The following SPHKAP variants were observed in gnomAD, a reference collection of about 807,000 sequenced individuals.
SPHKAP encodes the protein A-kinase anchor protein SPHKAP.
Under a neutral mutation model 137.5 loss-of-function variants are expected in SPHKAP, and 67 were observed. That is an observed-to-expected ratio of 0.49 (90% confidence interval 0.40 to 0.60). The LOEUF (loss-of-function observed/expected upper bound fraction) is 0.60, where lower values mean the gene tolerates loss of function less well. Among genes scored for constraint, SPHKAP ranks in the 20% least tolerant of loss-of-function variants. The pLI is 0.00. For synonymous variants in SPHKAP, 813 were observed against 785.3 expected (o/e 1.04, Z -0.59); for missense variants, 2,097 against 2,069.3 (o/e 1.01, Z -0.26).
chr2:228,121,308 A>G (rs965820935), intron 2 of SPHKAP, among the ~76,000 whole-genome samples: 1 of 152,072 alleles, frequency 6.6e-6, no homozygotes, highest in Admixed American at 6.6e-5. Context: ...CCAGGAGTTC[A>G]AGAACAATCT....
chr2:228,116,257 A>C (rs1048209340), intron 2 of SPHKAP, among the ~76,000 whole-genome samples: 1 of 152,292 alleles, frequency 6.6e-6, no homozygotes, highest in Non-Finnish European at 1.5e-5. Context: ...TGTCTTCCTT[A>C]TCTCTGAAAT....
chr2:228,107,689 T>C (rs1342342989), intron 3 of SPHKAP, among the ~76,000 whole-genome samples: 1 of 152,198 alleles, frequency 6.6e-6, no homozygotes, highest in Non-Finnish European at 1.5e-5. Flanking sequence ...TTACAATTTA[T>C]GGCTGTGTAA....
chr2:228,035,240 GACAA>G (rs1240683775), intron 3 of SPHKAP, among the ~76,000 whole-genome samples: 2 of 118,470 alleles, frequency 1.7e-5, no homozygotes, highest in Non-Finnish European at 3.5e-5. Flanking sequence ...ACCAATAACA[GACAA>G]ACAGAGAGCC....
At chr2:228,035,776 T>A (rs571267038) in intron 3 of SPHKAP, among the ~76,000 whole-genome samples, 2,422 of 152,234 alleles carry the variant, frequency 0.016, 71 homozygotes, top group African/African-American at 0.056. Flanking sequence ...AAACAAGCAA[T>A]GGGGAAAGGA....
rs752296659 is a variant in SPHKAP, at chr2:227,991,127, A to G, written c.4832T>C (p.Ile1611Thr). The stretch of plus-strand genomic sequence containing the variant: ...ACACTCTGGCTCCAGGTCAAAGTTG[A>G]TCACCAGCAGGCTCCTCTGGGGGCT... The part of the protein sequence containing the change: ...TASPQRSLLV[I>T]NFDLEPECPD... Residue 1611 changes from isoleucine to threonine, a missense_variant, in exon 11 of 12, where the codon ATC becomes ACC. Transcript: ENST00000392056. The G allele has an allele frequency of 6.2e-7, 1 of 1,613,942 alleles. No individual in the cohort carries two copies. The highest frequency in any genetic ancestry group is 1.3e-5 in the African/African-American group (1 of 74,890).
chr2:228,016,502 C>T lies in SPHKAP; in HGVS notation c.4352G>A (p.Ser1451Asn). The change falls in exon 7 of 12, where the codon AGC becomes AAC. Residue 1451 changes from serine (S) to asparagine (N), a missense_variant. By Grantham distance (46) the Ser-to-Asn change is conservative. Coordinates refer to ENST00000392056, the MANE Select transcript of SPHKAP (RefSeq NM_001142644.2). ...GEPEPFLSKS[S>N]LLEEAEGHSN... ...ATGCCCTTCTGCTTCCTCTAGGAGG[C>T]TGCTTTTGGAAAGGAAGGGTTCAGG... 1 of 1,614,068 alleles carries T rather than the reference C, an allele frequency of 6.2e-7. No individual in the cohort carries two copies.
intron 3 of SPHKAP, among the ~76,000 whole-genome samples, chr2:228,094,404 T>C (rs1282925648): frequency 1.3e-5 from 2 of 152,202 alleles, no homozygotes; most frequent in East Asian, 3.8e-4. Context: ...AGCTCTTGGG[T>C]TCTGCGATTT....
chr2:228,121,010 G>T (rs895839219), intron 2 of SPHKAP, among the ~76,000 whole-genome samples: 21 of 152,142 alleles, frequency 1.4e-4, no homozygotes, highest in Non-Finnish European at 2.2e-4. Context: ...TGATTTTAAC[G>T]CTAAGTGAAG....
Position 228,131,635 on chromosome 2 carries a change from CTT to C in SPHKAP, c.138+343_138+344del, listed in dbSNP as rs1266782454. The C allele has an allele frequency of 4.0e-5, 13 of 321,956 alleles. No individual in the cohort carries two copies. In the Admixed American group the frequency reaches 7.8e-4, roughly 19 times the overall value. 19.9% of individuals were successfully genotyped at this position (321,956 alleles called of 1,614,324 possible). ...GTTTTCTTAGATACAGATTTAGTAA[CTT>C]AATATAATATGTTGAGTCATTCAAA... is the stretch of plus-strand genomic sequence containing the variant. On this transcript the variant is annotated intron_variant, in intron 2 of 11. Transcript: ENST00000392056.
intron 1 of SPHKAP, among the ~76,000 whole-genome samples, chr2:228,161,003 A>C (rs1559207713): frequency 1.3e-5 from 2 of 152,210 alleles, no homozygotes; most frequent in Admixed American, 6.5e-5. Context: ...ACTTAGATGA[A>C]TCTTCCTTTC....
chr2:228,086,281 A>G (rs1395318161), intron 3 of SPHKAP, among the ~76,000 whole-genome samples: 3 of 152,178 alleles, frequency 2.0e-5, no homozygotes, highest in African/African-American at 7.2e-5. Context: ...GCTAGAAGAG[A>G]TAGTCTGTGA....
chr2:228,158,082 C>T lies in SPHKAP; in HGVS notation c.32+23485G>A, dbSNP rs776947734. Among the ~76,000 whole-genome samples, 81 of 152,238 alleles carry T rather than the reference C, an allele frequency of 5.3e-4. 1 individual carries two copies. The highest frequency in any genetic ancestry group is 2.4e-3 in the Admixed American group (37 of 15,286). ...GAAGTGTGCAGCAGAATGGACAACA[C>T]ACAGATTCATTTCTTCCATGACTGT... is the stretch of plus-strand genomic sequence containing the variant. On this transcript the variant is annotated intron_variant, in intron 1 of 11. Transcript: ENST00000392056.
Position 228,019,140 on chromosome 2 carries a change from C to A in SPHKAP, c.1714G>T (p.Gly572Cys). The change falls in exon 7 of 12, where the codon GGT becomes TGT. Residue 572 changes from glycine (G) to cysteine (C), a missense_variant. Transcript: ENST00000392056. Reference sequence around the variant, plus strand: ...GTCACCTCTTCTCTTTCACCCAGACCACAGACAGCCACGGCACTGGCCACC... The same window carrying A: ...GTCACCTCTTCTCTTTCACCCAGACAACAGACAGCCACGGCACTGGCCACC... ...TQVASAVAVC[G>C]LGEREEVTCS... The A allele has an allele frequency of 6.2e-7, 1 of 1,613,850 alleles. No homozygotes were observed.
chr2:228,160,703 T>C (rs1200243673), intron 1 of SPHKAP, among the ~76,000 whole-genome samples: 1 of 152,222 alleles, frequency 6.6e-6, no homozygotes, highest in Non-Finnish European at 1.5e-5. Flanking sequence ...CAATCAAAGA[T>C]ACTTGATGGG....
chr2:228,088,907 T>G (rs1390265557), intron 3 of SPHKAP, among the ~76,000 whole-genome samples: 1 of 152,208 alleles, frequency 6.6e-6, no homozygotes, highest in African/African-American at 2.4e-5. Flanking sequence ...CTCTTCTTTA[T>G]AAATTACCTA....
chr2:228,016,695 A>G lies in SPHKAP; in HGVS notation c.4159T>C (p.Leu1387=), dbSNP rs1207413939. 7 of 1,614,014 alleles carry G rather than the reference A, an allele frequency of 4.3e-6. No homozygotes were observed. The highest frequency in any genetic ancestry group is 1.7e-6 in the Non-Finnish European group (2 of 1,180,038). The change falls in exon 7 of 12, where the codon TTG becomes CTG. Residue 1387 remains leucine (L), a synonymous_variant. Coordinates refer to ENST00000392056, the MANE Select transcript of SPHKAP (RefSeq NM_001142644.2). ...TECKQPPVSS[L]SKTASLTNHS... is the part of the protein sequence containing the mutation. ...TTTGTAAGAGAAGCAGTTTTGCTCA[A>G]AGATGACACTGGGGGCTGTTTACAT...
At chr2:228,129,224 C>A (rs1013960744) in intron 2 of SPHKAP, among the ~76,000 whole-genome samples, 3 of 152,116 alleles carry the variant, frequency 2.0e-5, no homozygotes, top group Non-Finnish European at 4.4e-5. Flanking sequence ...AAATGTGACA[C>A]AGAATCACTA....
intron 11 of SPHKAP, among the ~76,000 whole-genome samples, chr2:227,985,827 T>C (rs1693189552): frequency 6.6e-6 from 1 of 152,224 alleles, no homozygotes; most frequent in Non-Finnish European, 1.5e-5. Flanking sequence ...AGTTGTGCAA[T>C]TTTTTGGAAA....
chr2:228,069,601 G>T (rs1696944459), intron 3 of SPHKAP, among the ~76,000 whole-genome samples: 1 of 146,656 alleles, frequency 6.8e-6, no homozygotes, highest in African/African-American at 2.5e-5. Flanking sequence ...TTTAAAAGAA[G>T]TTTTTTTTTT....
Sources: allele counts gnomAD v4.1 joint callset (sites outside exome capture counted in the v4.1 genomes callset), GRCh38; gene constraint gnomAD v4.1.1; transcripts MANE v1.5; gene names NCBI Gene and HGNC (gene_info 2026-07-23, HGNC 2026-07-21).